The following ITGA2 variants were observed in gnomAD, a reference collection of about 807,000 sequenced individuals.
ITGA2 encodes the protein integrin subunit alpha 2, also known as integrin alpha-2.
A neutral mutation model predicts 146.3 loss-of-function variants in ITGA2; 101 were observed. The observed-to-expected ratio is 0.69, with a 90% CI of 0.59 to 0.81. ITGA2 has a LOEUF of 0.81. Ranked by LOEUF, ITGA2 falls within the 40% of genes least tolerant of loss-of-function variation. ITGA2 has a pLI of 0.00. For missense variants in ITGA2, 1,281 were observed against 1,402.7 expected, an observed-to-expected ratio of 0.91 and a Z score of 1.39; for synonymous variants, 477 against 487.1, an observed-to-expected ratio of 0.98 and a Z score of 0.27.
At chr5:53,056,560 T>C (rs989827912) in intron 9 of ITGA2, among the ~76,000 whole-genome samples, 4 of 151,998 alleles carry the variant, frequency 2.6e-5, no homozygotes, top group African/African-American at 9.7e-5. Flanking sequence ...ATCTATCTAT[T>C]AGAATCATAA....
chr5:53,034,108 C>T (rs1561107149), intron 2 of ITGA2, among the ~76,000 whole-genome samples: 1 of 151,888 alleles, frequency 6.6e-6, no homozygotes, highest in East Asian at 1.9e-4. Flanking sequence ...TTTCTTCTTC[C>T]ATTCAATTTT....
intron 29 of ITGA2, 143 bp from the exon 30 acceptor site, chr5:53,090,376 T>C (rs1740352404): frequency 5.4e-6 from 4 of 735,798 alleles, no homozygotes; most frequent in South Asian, 1.5e-5. Flanking sequence ...GTGGTAGATA[T>C]CAGGTCATCA....
intron 3 of ITGA2, 74 bp downstream of exon 3, chr5:53,042,295 T>C: frequency 1.0e-6 from 1 of 982,444 alleles, no homozygotes; most frequent in East Asian, 2.4e-5. Flanking sequence ...GAACAATCAT[T>C]GTTCTGTCTT....
intron 19 of ITGA2, 146 bp downstream of exon 19, chr5:53,072,841 A>G (rs1271898351): frequency 5.3e-6 from 4 of 755,384 alleles, no homozygotes; most frequent in African/African-American, 1.8e-5. Flanking sequence ...TTCAATGTCT[A>G]CCATCCACAT....
intron 2 of ITGA2, 135 bp downstream of exon 2, chr5:53,027,003 C>T: frequency 2.6e-6 from 2 of 754,790 alleles, no homozygotes; most frequent in South Asian, 1.7e-5. Context: ...AATGAACAAT[C>T]TTTCTTTGAG....
chr5:53,013,051 GT>G (rs1422702864), intron 1 of ITGA2, among the ~76,000 whole-genome samples: 1 of 152,118 alleles, frequency 6.6e-6, no homozygotes, highest in African/African-American at 2.4e-5. Context: ...TCCATAGGTT[GT>G]CTGTTTACTC....
At chr5:53,043,128 G>A (rs1218627185) in intron 3 of ITGA2, among the ~76,000 whole-genome samples, 1 of 152,002 alleles carries the variant, frequency 6.6e-6, no homozygotes, top group Non-Finnish European at 1.5e-5. Flanking sequence ...CTGAGTAAAT[G>A]TCTTCAGCTT....
chr5:53,040,220 A>C (rs1049786122), intron 2 of ITGA2, among the ~76,000 whole-genome samples: 5 of 152,198 alleles, frequency 3.3e-5, no homozygotes, highest in Non-Finnish European at 7.4e-5. Context: ...TCAGGAAGAC[A>C]CATAGAAAAA....
chr5:53,005,859 C>T (rs1741821934), intron 1 of ITGA2, among the ~76,000 whole-genome samples: 1 of 152,128 alleles, frequency 6.6e-6, no homozygotes, highest in Non-Finnish European at 1.5e-5. Flanking sequence ...ACTATTCAAA[C>T]CTCAGAGGCC....
At chr5:52,996,032 C>T (rs961252525) in intron 1 of ITGA2, among the ~76,000 whole-genome samples, 1 of 151,996 alleles carries the variant, frequency 6.6e-6, no homozygotes, top group African/African-American at 2.4e-5. Flanking sequence ...GGGCAGTCTA[C>T]ATGGAGTGAA....
chr5:53,019,394 T>G (rs559882225), intron 1 of ITGA2, among the ~76,000 whole-genome samples: 1 of 152,280 alleles, frequency 6.6e-6, no homozygotes, highest in East Asian at 1.9e-4. Flanking sequence ...AAAATCTCAC[T>G]CCATCCTGCC....
Position 53,072,032 on chromosome 5 carries a change from C to T in ITGA2, c.2330C>T (p.Thr777Ile), listed in dbSNP as rs1353285520. The change falls in exon 18 of 30, where the codon ACT (threonine) becomes ATT (isoleucine). Residue 777 changes from threonine (T) to isoleucine (I), a missense_variant. By Grantham distance (89) the Thr-to-Ile change is moderately conservative. Coordinates refer to ENST00000296585, the MANE Select transcript of ITGA2 (RefSeq NM_002203.4). ...CCTGCCCTTGAAGCCTATTCTGAGA[C>T]TGCCAAGGTCTTCAGTGTAAGTGCA... ...TSPALEAYSE[T>I]AKVFSIPFHK... The T allele has an allele frequency of 1.2e-6, 2 of 1,610,632 alleles. No individual in the cohort carries two copies. The highest frequency in any genetic ancestry group is 3.3e-5 in the Admixed American group (2 of 59,802).
chr5:53,054,659 C>G (rs997172037), intron 7 of ITGA2, among the ~76,000 whole-genome samples: 4 of 152,026 alleles, frequency 2.6e-5, no homozygotes, highest in South Asian at 4.2e-4. Context: ...AGAATGAGAC[C>G]TTCATGTATA....
At chr5:53,010,373 T>C (rs952829370) in intron 1 of ITGA2, among the ~76,000 whole-genome samples, 9 of 152,186 alleles carry the variant, frequency 5.9e-5, no homozygotes, top group African/African-American at 1.9e-4. Context: ...TGAAATCTAA[T>C]TGAAAATTTC....
intron 26 of ITGA2, among the ~76,000 whole-genome samples, chr5:53,082,491 C>G (rs375303080): frequency 5.4e-4 from 82 of 152,198 alleles, no homozygotes; most frequent in African/African-American, 1.8e-3. Context: ...GAACATAGGC[C>G]AATGTGTCAT....
At chr5:52,989,827 CACACACACAG>C (rs1485956965) in intron 1 of ITGA2, among the ~76,000 whole-genome samples, 3 of 144,358 alleles carry the variant, frequency 2.1e-5, no homozygotes, top group African/African-American at 7.4e-5. Flanking sequence ...CACACACACA[CACACACACAG>C]ACAGACACGC....
intron 1 of ITGA2, 102 bp downstream of exon 1, chr5:52,989,634 G>A (rs2111633786): frequency 1.5e-6 from 2 of 1,302,302 alleles, no homozygotes; most frequent in Non-Finnish European, 1.1e-6. Flanking sequence ...AGCTCCGTGT[G>A]TTCCCTCGGA....
chr5:53,052,891 T>G (rs1461990015), intron 7 of ITGA2, among the ~76,000 whole-genome samples: 6 of 152,060 alleles, frequency 3.9e-5, no homozygotes. Flanking sequence ...CACTGTTGGG[T>G]TATCTCATTG....
At chr5:53,065,639 C>T (rs1745112229) in intron 14 of ITGA2, among the ~76,000 whole-genome samples, 1 of 151,612 alleles carries the variant, frequency 6.6e-6, no homozygotes, top group African/African-American at 2.4e-5. Context: ...TTATGCTGTC[C>T]CTTCGATGAA....
Sources: allele counts gnomAD v4.1 joint callset (sites outside exome capture counted in the v4.1 genomes callset), GRCh38; gene constraint gnomAD v4.1.1; transcripts MANE v1.5; gene names NCBI Gene and HGNC (gene_info 2026-07-23, HGNC 2026-07-21).